The following SPART variants were observed in gnomAD, a reference collection of about 807,000 sequenced individuals.
The protein encoded by SPART is spartin.
SPART carries 35 observed loss-of-function variants against 58.7 expected under a neutral mutation model. The observed-to-expected ratio is 0.60, with a 90% CI of 0.46 to 0.79. The LOEUF (loss-of-function observed/expected upper bound fraction) is 0.79, where lower values mean the gene tolerates loss of function less well. Ranked by LOEUF, SPART falls within the 30% of genes least tolerant of loss-of-function variation. SPART has a pLI of 0.00. For synonymous variants in SPART, 284 were observed against 280.7 expected, an observed-to-expected ratio of 1.01 and a Z score of -0.12; for missense variants, 730 against 786.1, an observed-to-expected ratio of 0.93 and a Z score of 0.85.
upstream of SPART, among the ~76,000 whole-genome samples, chr13:36,350,149 G>A (rs1282805168): frequency 6.6e-6 from 1 of 152,166 alleles, no homozygotes; most frequent in Admixed American, 6.5e-5. Context: ...AAGATTCAGA[G>A]CTTTCTTTTA....
At chr13:36,341,464 C>T (rs1467215942) in intron 1 of SPART, among the ~76,000 whole-genome samples, 2 of 152,052 alleles carry the variant, frequency 1.3e-5, no homozygotes, top group Non-Finnish European at 2.9e-5. Context: ...GTCTTCAAAA[C>T]TCAGTATGTG....
chr13:36,357,583 G>A (rs546307737), intron 1 of SPART, among the ~76,000 whole-genome samples: 123 of 152,290 alleles, frequency 8.1e-4, no homozygotes, highest in Non-Finnish European at 1.3e-3. Flanking sequence ...ACCTATAAGT[G>A]GAATGTGAAA....
chr13:36,365,766 C>A (rs747371517), intron 1 of SPART: 10 of 319,998 alleles, frequency 3.1e-5, no homozygotes, highest in Middle Eastern at 4.0e-4. Flanking sequence ...ATGGAACAGG[C>A]GAGCTGTGAA....
At chr13:36,362,363 A>AAG (rs1885896630) in intron 1 of SPART, among the ~76,000 whole-genome samples, 1 of 151,510 alleles carries the variant, frequency 6.6e-6, no homozygotes, top group Non-Finnish European at 1.5e-5. Context: ...AAAAAAAAAA[A>AAG]AAAATACCCA....
At chr13:36,329,906 T>C (rs1001875971) in intron 3 of SPART, among the ~76,000 whole-genome samples, 1 of 152,230 alleles carries the variant, frequency 6.6e-6, no homozygotes, top group South Asian at 2.1e-4. Context: ...CATTTCATTA[T>C]GCATTATTGG....
rs954557416 is a variant in SPART, at chr13:36,334,979, T to C, written c.810+42A>G. 3.4e-6 allele frequency: 5 copies of C among 1,479,924 alleles called. No individual in the cohort carries two copies. In the African/African-American group the frequency reaches 6.9e-5, roughly 21 times the overall value. The allele number at this position is 1,479,924 out of a possible 1,614,324, so 91.7% of individuals were successfully genotyped here. A position where few individuals can be genotyped will look rare whatever the true frequency, so the allele number is the denominator to read the frequency against. The stretch of plus-strand genomic sequence containing the variant: ...ATTAACAAATAAAAATGATGTAGTC[T>C]ACACGTATTTCAAATTATGCTTTCA... On this transcript the variant is annotated intron_variant, in intron 2 of 8. Transcript: ENST00000438666.
chr13:36,316,611 G>A (rs1881735858), intron 5 of SPART, among the ~76,000 whole-genome samples: 2 of 151,968 alleles, frequency 1.3e-5, no homozygotes, highest in South Asian at 4.1e-4. Context: ...CCCTTTGACT[G>A]TAATTTTCCT....
chr13:36,302,515 C>T lies in SPART; in HGVS notation c.*1850G>A, dbSNP rs1668558861. ...AACGTTATTTATGAAAACAGGTGGA[C>T]ATCTGGATTTAGCCCATGGAGGATA... On this transcript the variant is annotated 3_prime_UTR_variant, in exon 9 of 9. Transcript: ENST00000438666. 6.6e-6 allele frequency: 1 copy of T among 152,182 alleles called. No homozygotes were observed. The highest frequency in any genetic ancestry group is 2.4e-5 in the African/African-American group (1 of 41,434). The allele number at this position is 152,182 out of a possible 1,614,324, so 9.4% of individuals were successfully genotyped here.
chr13:36,360,308 A>G (rs1051940605), intron 1 of SPART, among the ~76,000 whole-genome samples: 1 of 36,268 alleles, frequency 2.8e-5, no homozygotes, highest in Non-Finnish European at 5.3e-5. Context: ...CTGCATTGCC[A>G]TTAGGGAAAC....
intron 1 of SPART, among the ~76,000 whole-genome samples, chr13:36,342,747 A>G (rs1001936091): frequency 3.3e-5 from 5 of 152,152 alleles, no homozygotes; most frequent in Admixed American, 6.5e-5. Context: ...CCCCAGGACA[A>G]ATGAAGTCTT....
intron 5 of SPART, among the ~76,000 whole-genome samples, chr13:36,325,271 GA>G (rs1882818646): frequency 6.6e-6 from 1 of 152,038 alleles, no homozygotes; most frequent in South Asian, 2.1e-4. Flanking sequence ...AAAGTGAAAA[GA>G]TTTTTCATTG....
chr13:36,312,649 G>C, intron 6 of SPART, 172 bp from the exon 7 acceptor site: 1 of 754,116 alleles, frequency 1.3e-6, no homozygotes, highest in South Asian at 1.8e-5. Flanking sequence ...TGTTGCCCAG[G>C]CTGGCCTTGA....
At position 36,344,841 on chromosome 13, in the gene SPART, T is replaced by C. The variant is rs569500193; in HGVS notation, c.-3+1384A>G. Among the ~76,000 whole-genome samples the C allele has an allele frequency of 5.3e-5, 8 of 152,354 alleles. No homozygotes were observed. The South Asian group carries it at 1.7e-3, about 32-fold the overall frequency. On this transcript the variant is annotated intron_variant, in intron 1 of 8. Coordinates refer to ENST00000438666, the MANE Select transcript of SPART (RefSeq NM_015087.5). ...GTATTAAACAGTACCTACACCAGTG[T>C]ACAGTCTTCAACAACAAACCAAAAT...
chr13:36,345,057 T>C (rs984398202), intron 1 of SPART, among the ~76,000 whole-genome samples: 2 of 152,218 alleles, frequency 1.3e-5, no homozygotes, highest in African/African-American at 4.8e-5. Context: ...ACACTCTCAC[T>C]TAACAGTCAA....
chr13:36,306,316 A>G (rs972541500), intron 8 of SPART, among the ~76,000 whole-genome samples: 1 of 152,084 alleles, frequency 6.6e-6, no homozygotes, highest in Non-Finnish European at 1.5e-5. Context: ...CCCAGTAACA[A>G]ATACTACTGT....
chr13:36,326,914 A>G (rs1199496784), intron 4 of SPART, among the ~76,000 whole-genome samples: 2 of 152,132 alleles, frequency 1.3e-5, no homozygotes, highest in South Asian at 2.1e-4. Flanking sequence ...TTGACTGGTA[A>G]GATTTAAATA....
At chr13:36,315,707 C>T (rs1162516032) in intron 5 of SPART, among the ~76,000 whole-genome samples, 1 of 151,992 alleles carries the variant, frequency 6.6e-6, no homozygotes, top group Non-Finnish European at 1.5e-5. Flanking sequence ...CTTGAAGATG[C>T]CCATTTAAAA....
intron 1 of SPART, among the ~76,000 whole-genome samples, chr13:36,354,539 C>T (rs1885546953): frequency 6.6e-6 from 1 of 152,216 alleles, no homozygotes; most frequent in East Asian, 1.9e-4. Context: ...TGATTAATAA[C>T]ACTTTGCACA....
chr13:36,343,663 G>C (rs1312037766), intron 1 of SPART, among the ~76,000 whole-genome samples: 1 of 152,120 alleles, frequency 6.6e-6, no homozygotes, highest in Non-Finnish European at 1.5e-5. Flanking sequence ...AGATATAATG[G>C]ACATGGTCTG....
Sources: gnomAD v4.1 joint callset for allele counts (sites outside exome capture counted in the v4.1 genomes callset) on GRCh38, gnomAD v4.1.1 for gene constraint, MANE v1.5 for transcripts, NCBI Gene and HGNC (gene_info 2026-07-23, HGNC 2026-07-21) for gene names.